The following SAMMSON variants were observed in gnomAD, a reference collection of about 807,000 sequenced individuals.
SAMMSON encodes the protein long intergenic non-protein coding RNA 1212.
At chr3:70,377,093 T>A (rs1475725036) in intron 9 of SAMMSON, among the ~76,000 whole-genome samples, 1 of 152,120 alleles carries the variant, frequency 6.6e-6, no homozygotes, top group Non-Finnish European at 1.5e-5. Flanking sequence ...AACTGTAATC[T>A]CAATTAGAAG....
At chr3:70,030,048 A>G (rs2107583539) in intron 3 of SAMMSON, among the ~76,000 whole-genome samples, 1 of 152,312 alleles carries the variant, frequency 6.6e-6, no homozygotes. Context: ...ACTCTGTGGA[A>G]TATTTGTCTT....
chr3:70,051,528 G>T (rs1299704482), intron 3 of SAMMSON, among the ~76,000 whole-genome samples: 1 of 150,562 alleles, frequency 6.6e-6, no homozygotes, highest in African/African-American at 2.4e-5. Flanking sequence ...TCCATACAAT[G>T]AAATATTTCT....
chr3:70,343,915 TATATA>T (rs1447796659), intron 7 of SAMMSON, among the ~76,000 whole-genome samples: 1 of 149,856 alleles, frequency 6.7e-6, no homozygotes, highest in Admixed American at 6.7e-5. Flanking sequence ...ATATATACAT[TATATA>T]ATATAATTTT....
At chr3:70,427,526 T>A (rs1449588067) in intron 2 of SAMMSON, among the ~76,000 whole-genome samples, 1 of 151,864 alleles carries the variant, frequency 6.6e-6, no homozygotes, top group Non-Finnish European at 1.5e-5. Flanking sequence ...GATCACGAGG[T>A]CAGGAGATCG....
rs186490155 is a variant in SAMMSON at position 70,093,479 on chromosome 3, A to G, written n.507+21914A>G. Among the ~76,000 whole-genome samples, 173 of 152,296 alleles carry G rather than the reference A, an allele frequency of 1.1e-3. 1 individual carries two copies. Among genetic ancestry groups the G allele is most frequent in the Non-Finnish European group, 2.1e-3 (145 of 68,022 alleles). On this transcript the variant is annotated intron_variant and non_coding_transcript_variant, in intron 4 of 9. Coordinates refer to ENST00000642114, the Ensembl canonical transcript of SAMMSON. The stretch of plus-strand genomic sequence containing the variant: ...GAAAAGGCAACTTGGTTGTTTGTAG[A>G]TGACTAAATGACTTGCTCTGTGTTA...
chr3:70,196,777 C>T (rs1701185964), intron 4 of SAMMSON: 1 of 396,012 alleles, frequency 2.5e-6, no homozygotes, highest in Non-Finnish European at 4.4e-6. Flanking sequence ...ATAATACTAG[C>T]TTTCCTAGAC....
chr3:70,059,147 T>C (rs1185818359), intron 3 of SAMMSON, among the ~76,000 whole-genome samples: 1 of 152,148 alleles, frequency 6.6e-6, no homozygotes, highest in African/African-American at 2.4e-5. Context: ...AGAAGAGCTT[T>C]ATATGTATTA....
intron 2 of SAMMSON, among the ~76,000 whole-genome samples, chr3:70,432,868 T>C (rs1253928186): frequency 6.6e-6 from 1 of 152,094 alleles, no homozygotes; most frequent in Non-Finnish European, 1.5e-5. Flanking sequence ...TTACTGTCTC[T>C]GTAGCTTTTG....
chr3:70,079,594 G>A (rs1184553545), intron 4 of SAMMSON, among the ~76,000 whole-genome samples: 1 of 152,120 alleles, frequency 6.6e-6, no homozygotes. Context: ...TATAAAATAG[G>A]CTTTGCGTTA....
At chr3:70,266,348 A>G (rs1307053687) in intron 6 of SAMMSON, among the ~76,000 whole-genome samples, 1 of 152,110 alleles carries the variant, frequency 6.6e-6, no homozygotes, top group Non-Finnish European at 1.5e-5. Context: ...GTTATTAAAT[A>G]TAAACATTTT....
intron 4 of SAMMSON, among the ~76,000 whole-genome samples, chr3:70,195,281 G>A (rs772978855): frequency 2.6e-5 from 4 of 152,038 alleles, no homozygotes; most frequent in Non-Finnish European, 2.9e-5. Flanking sequence ...TCGAGCTTCT[G>A]AAAAGCAGAA....
chr3:70,387,953 G>A (rs2106755527), intron 9 of SAMMSON, among the ~76,000 whole-genome samples: 1 of 142,416 alleles, frequency 7.0e-6, no homozygotes, highest in East Asian at 2.4e-4. Context: ...CTTAACCATT[G>A]CTACTTTTGA....
At chr3:70,365,038 T>G (rs1173081267) in intron 9 of SAMMSON, among the ~76,000 whole-genome samples, 2 of 151,802 alleles carry the variant, frequency 1.3e-5, no homozygotes, top group East Asian at 1.9e-4. Flanking sequence ...AAATGTACAT[T>G]TATTAAGGTT....
chr3:70,204,609 A>C (rs920792507), intron 4 of SAMMSON: 6 of 151,776 alleles, frequency 4.0e-5, no homozygotes, highest in African/African-American at 1.5e-4. Context: ...AATTATCTTC[A>C]TGGATCTCCT....
chr3:70,427,419 G>A (rs1701378755), intron 2 of SAMMSON, among the ~76,000 whole-genome samples: 1 of 152,236 alleles, frequency 6.6e-6, no homozygotes, highest in South Asian at 2.1e-4. Flanking sequence ...ATACCATGAG[G>A]ATTACCTAAA....
chr3:70,412,173 A>G (rs1302280555), intron 2 of SAMMSON, among the ~76,000 whole-genome samples: 1 of 152,180 alleles, frequency 6.6e-6, no homozygotes, highest in Non-Finnish European at 1.5e-5. Context: ...ATGTAAAAAC[A>G]TATTAACCAT....
chr3:70,387,905 A>G (rs984103693), intron 9 of SAMMSON, among the ~76,000 whole-genome samples: 7 of 152,106 alleles, frequency 4.6e-5, no homozygotes, highest in African/African-American at 1.7e-4. Context: ...ATTGAAATGG[A>G]TTATAAAATA....
chr3:70,021,974 T>C (rs888667068), intron 3 of SAMMSON, among the ~76,000 whole-genome samples: 1 of 152,150 alleles, frequency 6.6e-6, no homozygotes, highest in African/African-American at 2.4e-5. Flanking sequence ...AGAAAGACTT[T>C]GAGGTCTAAA....
chr3:70,244,777 T>A (rs535080811), intron 4 of SAMMSON, among the ~76,000 whole-genome samples: 1 of 152,350 alleles, frequency 6.6e-6, no homozygotes, highest in South Asian at 2.1e-4. Context: ...TGTGCACACA[T>A]ATATAAATAC....
Sources: allele counts gnomAD v4.1 joint callset (sites outside exome capture counted in the v4.1 genomes callset), GRCh38; gene constraint gnomAD v4.1.1; transcripts MANE v1.5; gene names NCBI Gene and HGNC (gene_info 2026-07-23, HGNC 2026-07-21).